Variants in PCSK6 observed in about 807,000 individuals in gnomAD.
The protein encoded by PCSK6 is proprotein convertase subtilisin/kexin type 6.
PCSK6 carries 85 observed loss-of-function variants against 123.3 expected under a neutral mutation model. The observed-to-expected ratio is 0.69, with a 90% confidence interval of 0.58 to 0.83. The LOEUF (loss-of-function observed/expected upper bound fraction) is 0.83. Ranked by LOEUF, PCSK6 falls within the 40% of genes least tolerant of loss-of-function variation. The pLI, the probability that PCSK6 is intolerant of heterozygous loss-of-function variation, is 0.00. For missense variants in PCSK6, 1,191 were observed against 1,282.3 expected, an observed-to-expected ratio of 0.93 and a Z score of 1.09; for synonymous variants, 508 against 516.0, an observed-to-expected ratio of 0.98 and a Z score of 0.21.
At chr15:101,421,237 C>G (rs188832562) in intron 6 of PCSK6, among the ~76,000 whole-genome samples, 113 of 152,316 alleles carry the variant, frequency 7.4e-4, no homozygotes, top group African/African-American at 2.7e-3. Flanking sequence ...TGAGCCACCA[C>G]GCCTGGCTAT....
chr15:101,346,595 TG>T (rs1451726362), intron 13 of PCSK6: 14 of 387,092 alleles, frequency 3.6e-5, no homozygotes, highest in Non-Finnish European at 5.4e-5. Context: ...TTATCTATTC[TG>T]GGGCGAACCT....
At chr15:101,437,281 C>T (rs918054877) in intron 2 of PCSK6, among the ~76,000 whole-genome samples, 4 of 152,230 alleles carry the variant, frequency 2.6e-5, no homozygotes, top group East Asian at 1.9e-4. Flanking sequence ...TACATGGTTT[C>T]GTGAGAGCCC....
intron 6 of PCSK6, among the ~76,000 whole-genome samples, chr15:101,427,169 G>A (rs890395948): frequency 6.6e-6 from 1 of 152,246 alleles, no homozygotes; most frequent in African/African-American, 2.4e-5. Context: ...TGACTGAGCA[G>A]TGTGAGAAGC....
chr15:101,333,839 T>G (rs1165184744), intron 13 of PCSK6, among the ~76,000 whole-genome samples: 2 of 152,112 alleles, frequency 1.3e-5, no homozygotes, highest in Non-Finnish European at 2.9e-5. Flanking sequence ...GCCCCACTGG[T>G]GCGATTCGAA....
Position 101,305,092 on chromosome 15 carries a change from G to C in PCSK6, c.*166C>G. 1.6e-6 allele frequency: 1 copy of C among 607,292 alleles called. No individual in the cohort carries two copies. The highest frequency in any genetic ancestry group is 2.0e-5 in the South Asian group (1 of 50,866). 37.6% of individuals were successfully genotyped at this position (607,292 alleles called of 1,614,324 possible). On this transcript the variant is annotated 3_prime_UTR_variant, in exon 22 of 22. Transcript: ENST00000611716. The surrounding 1 kb of genome is among the most constrained non-coding windows in gnomAD (Gnocchi z 4.8). ...CACCATTTTAGGAACACCTCCTTAAGAGCCACCACCCACCTGGCTTGGGTG... is the reference window on the plus strand; with the variant it reads ...CACCATTTTAGGAACACCTCCTTAACAGCCACCACCCACCTGGCTTGGGTG...
chr15:101,307,167 T>G (rs2039742096), intron 21 of PCSK6, 46 bp downstream of exon 21: 24 of 1,419,364 alleles, frequency 1.7e-5, no homozygotes, highest in Non-Finnish European at 2.0e-5. Flanking sequence ...GCTGGCCAGC[T>G]GAGCTCCTCC....
At chr15:101,374,607 G>T (rs1260119833) in intron 11 of PCSK6, among the ~76,000 whole-genome samples, 6 of 152,234 alleles carry the variant, frequency 3.9e-5, no homozygotes, top group Non-Finnish European at 8.8e-5. Flanking sequence ...CCTGCCAGCT[G>T]CTGTGCTGGC....
chr15:101,323,822 TGCCATGACAGGCC>T (rs1452805436), intron 17 of PCSK6, among the ~76,000 whole-genome samples: 1 of 151,772 alleles, frequency 6.6e-6, no homozygotes, highest in Non-Finnish European at 1.5e-5. Context: ...GTAACGGCAG[TGCCATGACAGGCC>T]GGATCAATGA....
At chr15:101,458,414 G>A (rs1004967101) in intron 1 of PCSK6, among the ~76,000 whole-genome samples, 11 of 152,206 alleles carry the variant, frequency 7.2e-5, no homozygotes, top group African/African-American at 2.2e-4. Flanking sequence ...AATGTGGCCC[G>A]GGCTATACAC....
rs542362528 is a variant in PCSK6 at position 101,419,024 on chromosome 15, G to C, written c.823+8868C>G. Among the ~76,000 whole-genome samples the C allele has an allele frequency of 2.6e-5, 4 of 152,186 alleles. No homozygotes were observed. The East Asian group carries it at 7.7e-4, about 29-fold the overall frequency. ...ATTTACAAATGGCATAAAATTAGAA[G>C]TATTCCTGTATAAGTCAGAAATCAA... On this transcript the variant is annotated intron_variant, in intron 6 of 21. Coordinates refer to ENST00000611716, the MANE Select transcript of PCSK6 (RefSeq NM_002570.5).
intron 13 of PCSK6, among the ~76,000 whole-genome samples, chr15:101,361,897 AAAG>A (rs1448394162): frequency 6.6e-6 from 1 of 151,974 alleles, no homozygotes; most frequent in Admixed American, 6.5e-5. Context: ...TGAAGGAGAC[AAAG>A]AAGAATTAAA....
At chr15:101,370,196 G>T in intron 12 of PCSK6, 139 bp downstream of exon 12, 1 of 624,932 alleles carries the variant, frequency 1.6e-6, no homozygotes, top group Non-Finnish European at 2.4e-6. Context: ...GAGAAAGGAA[G>T]CTGCCAGCAG....
At chr15:101,385,370 G>A (rs1308520459) in intron 9 of PCSK6, among the ~76,000 whole-genome samples, 1 of 151,992 alleles carries the variant, frequency 6.6e-6, no homozygotes, top group African/African-American at 2.4e-5. Flanking sequence ...CTTATGATCT[G>A]ATACCTCTTA....
intron 11 of PCSK6, among the ~76,000 whole-genome samples, chr15:101,376,204 C>T (rs1396834546): frequency 6.6e-6 from 1 of 152,154 alleles, no homozygotes; most frequent in Non-Finnish European, 1.5e-5. Context: ...GCGATCCTCC[C>T]ACCTCAGCCT....
intron 13 of PCSK6, among the ~76,000 whole-genome samples, chr15:101,356,496 C>G (rs1270703071): frequency 1.9e-5 from 2 of 104,346 alleles, no homozygotes; most frequent in Non-Finnish European, 3.6e-5. Flanking sequence ...CCTGTCTCTA[C>G]TAAAACTACA....
At chr15:101,319,170 G>A (rs1254275128) in intron 18 of PCSK6, among the ~76,000 whole-genome samples, 3 of 152,166 alleles carry the variant, frequency 2.0e-5, no homozygotes, top group East Asian at 3.8e-4. Context: ...TTGCTTGGAG[G>A]ACTCAATGAG....
intron 11 of PCSK6, among the ~76,000 whole-genome samples, chr15:101,372,263 G>A (rs1265490463): frequency 6.6e-6 from 1 of 152,152 alleles, no homozygotes; most frequent in Non-Finnish European, 1.5e-5. Flanking sequence ...TTATTACGGG[G>A]AGCGCTTTTC....
intron 11 of PCSK6, among the ~76,000 whole-genome samples, chr15:101,378,051 A>G (rs1343640950): frequency 1.3e-5 from 2 of 152,256 alleles, no homozygotes; most frequent in Non-Finnish European, 2.9e-5. Context: ...CGACAGAAGC[A>G]CTGGCTAGAA....
chr15:101,363,019 G>A (rs1478969450), intron 13 of PCSK6, among the ~76,000 whole-genome samples: 2 of 152,228 alleles, frequency 1.3e-5, no homozygotes, highest in Non-Finnish European at 2.9e-5. Context: ...CTGGGAGTGA[G>A]CCAGTGATGG....
Sources: gnomAD v4.1 joint callset for allele counts (sites outside exome capture counted in the v4.1 genomes callset) on GRCh38, gnomAD v4.1.1 for gene constraint, Gnocchi (gnomAD v3.1) non-coding constraint, MANE v1.5 for transcripts, NCBI Gene and HGNC (gene_info 2026-07-23, HGNC 2026-07-21) for gene names.